The following SRPK2 variants were observed in gnomAD, a reference collection of about 807,000 sequenced individuals.
The protein encoded by SRPK2 is SRSF protein kinase 2, also known as SFRS protein kinase 2.
SRPK2 carries 21 observed loss-of-function variants against 90.8 expected under a neutral mutation model. The ratio of observed to expected loss-of-function variants is 0.23; its 90% CI spans 0.16 to 0.33. The LOEUF is 0.33. Ranked by LOEUF, SRPK2 falls within the 10% of genes least tolerant of loss-of-function variation. The pLI, the probability that SRPK2 is intolerant of heterozygous loss-of-function variation, is 1.00. For synonymous variants in SRPK2, 288 were observed against 311.1 expected, an observed-to-expected ratio of 0.93 and a Z score of 0.78; for missense variants, 620 against 869.0, an observed-to-expected ratio of 0.71 and a Z score of 3.60.
At position 105,227,598 on chromosome 7, in the gene SRPK2, G is replaced by A. The variant is rs979137341; in HGVS notation, c.72-23813C>T. On this transcript the variant is annotated intron_variant, in intron 2 of 15. Transcript: ENST00000393651. ...CTAACAAGTGTTGGTGAGGATCCTG[G>A]GAAATTAAAAATCTCTTACACTGCA... 5.3e-5 allele frequency among the ~76,000 whole-genome samples: 8 copies of A among 151,874 alleles called. No individual in the cohort carries two copies. The East Asian group carries it at 1.6e-3, about 29-fold the overall frequency.
At chr7:105,294,987 G>A (rs999471273) in intron 2 of SRPK2, among the ~76,000 whole-genome samples, 1 of 152,118 alleles carries the variant, frequency 6.6e-6, no homozygotes, top group Admixed American at 6.5e-5. Flanking sequence ...GAGGCAGGTG[G>A]ATCACCTGAG....
intron 1 of SRPK2, among the ~76,000 whole-genome samples, chr7:105,397,470 T>C (rs1252340988): frequency 2.0e-5 from 3 of 148,170 alleles, no homozygotes; most frequent in Non-Finnish European, 4.5e-5. Context: ...GCGGGGACTA[T>C]AGGCACACGC....
chr7:105,314,805 C>T (rs1296859827), intron 2 of SRPK2, among the ~76,000 whole-genome samples: 1 of 152,178 alleles, frequency 6.6e-6, no homozygotes, highest in East Asian at 1.9e-4. Flanking sequence ...AACCTGTAAA[C>T]ATAAATGTCG....
intron 7 of SRPK2, among the ~76,000 whole-genome samples, chr7:105,151,370 G>T (rs1279918034): frequency 6.6e-6 from 1 of 152,102 alleles, no homozygotes; most frequent in Non-Finnish European, 1.5e-5. Context: ...ATGGGAGGGG[G>T]AAACACCTGT....
rs1796223943 is a variant in SRPK2 at position 105,206,223 on chromosome 7, G to A, written c.72-2438C>T. 3.9e-5 allele frequency among the ~76,000 whole-genome samples: 6 copies of A among 152,302 alleles called. No homozygotes were observed. In the South Asian group the frequency reaches 1.2e-3, roughly 32 times the overall value. On this transcript the variant is annotated intron_variant, in intron 2 of 15. Coordinates refer to ENST00000393651, the MANE Select transcript of SRPK2 (RefSeq NM_182692.3). ...GACAAATGTGTGTGTGCTGGGGGAG[G>A]AGGGGAGTCATGCCCATTGAGAACC...
chr7:105,254,944 C>T (rs1003281256), intron 2 of SRPK2, among the ~76,000 whole-genome samples: 2 of 151,766 alleles, frequency 1.3e-5, no homozygotes, highest in African/African-American at 2.4e-5. Context: ...CCCGCCTCGG[C>T]CTCCCAAAGT....
chr7:105,200,336 T>C (rs931967878), intron 3 of SRPK2, among the ~76,000 whole-genome samples: 3 of 151,918 alleles, frequency 2.0e-5, no homozygotes, highest in East Asian at 1.9e-4. Flanking sequence ...CAAAGAACGA[T>C]TGAGGCATTT....
chr7:105,213,818 C>T (rs572853333), intron 2 of SRPK2, among the ~76,000 whole-genome samples: 3 of 152,236 alleles, frequency 2.0e-5, no homozygotes, highest in South Asian at 2.1e-4. Flanking sequence ...TAACAACTAA[C>T]GATTGCCTCA....
chr7:105,336,968 A>G (rs1204578381), intron 2 of SRPK2, among the ~76,000 whole-genome samples: 1 of 151,898 alleles, frequency 6.6e-6, no homozygotes, highest in Non-Finnish European at 1.5e-5. Flanking sequence ...CACCTAGCTA[A>G]TATTTGTAAT....
chr7:105,286,204 A>T (rs1240604617), intron 2 of SRPK2, among the ~76,000 whole-genome samples: 1 of 152,170 alleles, frequency 6.6e-6, no homozygotes, highest in Admixed American at 6.5e-5. Context: ...AATGTCCTCA[A>T]ATTTTTCAAT....
At position 105,306,784 on chromosome 7, in the gene SRPK2, A is replaced by G. The variant is rs1312640019; in HGVS notation, c.71+81864T>C. 1.4e-5 allele frequency: 3 copies of G among 209,468 alleles called. No homozygotes were observed. In the East Asian group the frequency reaches 3.7e-4, roughly 26 times the overall value. 13.0% of individuals were successfully genotyped at this position (209,468 alleles called of 1,614,324 possible). On this transcript the variant is annotated intron_variant, in intron 2 of 15. Coordinates refer to ENST00000393651, the MANE Select transcript of SRPK2 (RefSeq NM_182692.3). ...AAATGTCATAAATTTCTCAGAATTA[A>G]AAGTAAAACACTATTACAAGAACAT...
rs141143136 is a variant in SRPK2, at chr7:105,396,820, AAGAGAGAG to A, written n.153+2328_153+2335del. Among the ~76,000 whole-genome samples, 253 of 120,290 alleles carry A rather than the reference AAGAGAGAG, an allele frequency of 2.1e-3. 2 individuals are homozygous for A. The highest frequency in any genetic ancestry group is 7.3e-3 in the African/African-American group (223 of 30,540). 78.9% of individuals were successfully genotyped at this position (120,290 alleles called of 152,430 possible). ...AGAAAGAGAAAGAAAGAAAGAGAGA[AAGAGAGAG>A]AGAGAGAGAAAGAAATAGAGGGAGG... On this transcript the variant is annotated intron_variant and non_coding_transcript_variant, in intron 1 of 3. Coordinates refer to the SRPK2 transcript ENST00000462282.
intron 2 of SRPK2, among the ~76,000 whole-genome samples, chr7:105,331,626 G>A (rs1814420548): frequency 1.3e-5 from 2 of 152,128 alleles, no homozygotes; most frequent in East Asian, 3.9e-4. Context: ...TTCACACACT[G>A]TGCTTAGGCC....
intron 13 of SRPK2, among the ~76,000 whole-genome samples, chr7:105,128,094 G>C (rs1801462395): frequency 6.6e-6 from 1 of 152,128 alleles, no homozygotes. Flanking sequence ...TGGGTGAGGG[G>C]CCACCTCTCC....
chr7:105,165,424 A>C (rs1303129018), intron 6 of SRPK2, among the ~76,000 whole-genome samples: 1 of 152,216 alleles, frequency 6.6e-6, no homozygotes, highest in Non-Finnish European at 1.5e-5. Context: ...GGGGACTTTG[A>C]AAACTTTTCT....
intron 2 of SRPK2, among the ~76,000 whole-genome samples, chr7:105,299,311 A>G (rs1347101796): frequency 1.3e-5 from 2 of 152,200 alleles, no homozygotes; most frequent in East Asian, 3.8e-4. Context: ...TTTTATTATG[A>G]GTGGAGTCAG....
chr7:105,180,049 A>C (rs1277149823), intron 3 of SRPK2, among the ~76,000 whole-genome samples: 1 of 152,154 alleles, frequency 6.6e-6, no homozygotes, highest in East Asian at 1.9e-4. Flanking sequence ...TCAAACTATA[A>C]ATGGCATTCT....
intron 15 of SRPK2, among the ~76,000 whole-genome samples, chr7:105,119,432 T>A (rs944639323): frequency 6.6e-6 from 1 of 152,174 alleles, no homozygotes; most frequent in Non-Finnish European, 1.5e-5. Flanking sequence ...TTGTGTCTAT[T>A]GTGAAGAGTG....
intron 3 of SRPK2, among the ~76,000 whole-genome samples, chr7:105,171,659 G>C (rs1160869965): frequency 1.3e-5 from 2 of 152,160 alleles, no homozygotes; most frequent in Non-Finnish European, 2.9e-5. Flanking sequence ...AGTGAAGCAG[G>C]AATCTGACCA....
Sources: gnomAD v4.1 joint callset for allele counts (sites outside exome capture counted in the v4.1 genomes callset) on GRCh38, gnomAD v4.1.1 for gene constraint, MANE v1.5 for transcripts, NCBI Gene and HGNC (gene_info 2026-07-23, HGNC 2026-07-21) for gene names.